The following DNAL4 variants were observed in gnomAD, a reference collection of about 807,000 sequenced individuals.
DNAL4 encodes the protein dynein axonemal light chain 4.
Under a neutral mutation model 12.6 loss-of-function variants are expected in DNAL4, and 10 were observed. That is an observed-to-expected ratio of 0.79 (90% CI 0.49 to 1.34). DNAL4 has a LOEUF of 1.34. Among genes scored for constraint, DNAL4 ranks in the 40% most tolerant of loss-of-function variants. The pLI is 0.00. For synonymous variants in DNAL4, 46 were observed against 53.1 expected, an observed-to-expected ratio of 0.87 and a Z score of 0.58; for missense variants, 128 against 138.1, an observed-to-expected ratio of 0.93 and a Z score of 0.37.
intron 1 of DNAL4, among the ~76,000 whole-genome samples, chr22:38,790,416 G>T (rs1216365731): frequency 7.2e-5 from 11 of 152,212 alleles, no homozygotes. Context: ...GAATGAGCAT[G>T]GTGGAGTGAG....
rs377441172 is a variant in DNAL4 at position 38,782,618 on chromosome 22, G to A, written c.69+45C>T. ...AGCTCCACCCACCTCTCTCCAGGCT[G>A]TGTGGGCCCTGCCGGCAGTCCTGCC... On this transcript the variant is annotated intron_variant, in intron 2 of 3. Coordinates refer to ENST00000216068, the MANE Select transcript of DNAL4 (RefSeq NM_005740.3). The surrounding 1 kb of genome is among the most constrained non-coding windows in gnomAD (Gnocchi z 5.1). 9.4e-6 allele frequency: 15 copies of A among 1,601,414 alleles called. No individual in the cohort carries two copies. Among genetic ancestry groups the A allele is most frequent in the African/African-American group, 2.7e-5 (2 of 74,564 alleles).
rs753342186 is a variant in DNAL4 at position 38,779,425 on chromosome 22, G to A, written c.*24C>T. 16 of 1,553,680 alleles carry A rather than the reference G, an allele frequency of 1.0e-5. No homozygotes were observed. Among genetic ancestry groups the A allele is most frequent in the Middle Eastern group, 2.2e-4 (1 of 4,644 alleles). On this transcript the variant is annotated 3_prime_UTR_variant, in exon 4 of 4. Transcript: ENST00000216068. This position sits in a 1 kb window ranked among gnomAD's most constrained non-coding sequence, Gnocchi z 4.3. ...ATGAGTGGCAGGAAAAGGCCCTGCA[G>A]GGGACGGGGCAGGGGACAGAGTGTC...
chr22:38,781,152 G>C (rs2093033721), intron 2 of DNAL4, 143 bp from the exon 3 acceptor site: 1 of 814,404 alleles, frequency 1.2e-6, no homozygotes, highest in Non-Finnish European at 2.0e-6. Context: ...CCCATCTCCT[G>C]ACTGAGGGCC....
intron 1 of DNAL4, among the ~76,000 whole-genome samples, chr22:38,788,219 A>G (rs2093045336): frequency 3.9e-5 from 6 of 152,188 alleles, no homozygotes; most frequent in Admixed American, 3.9e-4. Flanking sequence ...TAAGGTCAGG[A>G]AATGATGCAG....
At chr22:38,791,198 T>A (rs1003043181) in intron 1 of DNAL4, among the ~76,000 whole-genome samples, 1 of 150,464 alleles carries the variant, frequency 6.6e-6, no homozygotes, top group East Asian at 1.9e-4. Flanking sequence ...AGTAAAAATA[T>A]GCTATAAAAG....
At chr22:38,786,568 CAAAACAAAACAAAACA>C (rs1217068640) in intron 1 of DNAL4, among the ~76,000 whole-genome samples, 3 of 151,368 alleles carry the variant, frequency 2.0e-5, no homozygotes, top group Non-Finnish European at 4.4e-5. Flanking sequence ...CAAAACAAAA[CAAAACAAAACAAAACA>C]AAAACAAAAC....
chr22:38,793,453 T>C (rs1239612882), intron 1 of DNAL4, among the ~76,000 whole-genome samples: 2 of 152,170 alleles, frequency 1.3e-5, no homozygotes, highest in Non-Finnish European at 2.9e-5. Context: ...GTCTTGAGAC[T>C]GGGAATCCAA....
At chr22:38,791,235 C>T (rs2093050121) in intron 1 of DNAL4, among the ~76,000 whole-genome samples, 1 of 151,786 alleles carries the variant, frequency 6.6e-6, no homozygotes, top group Non-Finnish European at 1.5e-5. Context: ...CTATATAGGT[C>T]ACTTCCCATG....
chr22:38,789,426 C>T (rs2093047233), intron 1 of DNAL4, among the ~76,000 whole-genome samples: 3 of 152,168 alleles, frequency 2.0e-5, no homozygotes, highest in Admixed American at 2.0e-4. Context: ...CAGGCTTGTG[C>T]CACCATACTC....
intron 1 of DNAL4, among the ~76,000 whole-genome samples, chr22:38,793,866 G>C (rs1006880003): frequency 6.6e-6 from 1 of 151,454 alleles, no homozygotes; most frequent in Non-Finnish European, 1.5e-5. Flanking sequence ...TGGCAAACCT[G>C]TCACGACAGA....
chr22:38,794,074 C>T lies in DNAL4; in HGVS notation c.-146G>A, dbSNP rs2093055009. 2.0e-5 allele frequency: 3 copies of T among 152,244 alleles called. No homozygotes were observed. The highest frequency in any genetic ancestry group is 6.5e-5 in the Admixed American group (1 of 15,284). 9.4% of individuals were successfully genotyped at this position (152,244 alleles called of 1,614,324 possible). The stretch of plus-strand genomic sequence containing the variant: ...CCGCGCCCCGGGGCCTCACCTGCTC[C>T]TGCGGGGGCCGGAGCCGGGGCCGCA... On this transcript the variant is annotated 5_prime_UTR_variant, in exon 1 of 4. Coordinates refer to ENST00000216068, the MANE Select transcript of DNAL4 (RefSeq NM_005740.3).
chr22:38,786,557 T>TCAAAA (rs542051422), intron 1 of DNAL4, among the ~76,000 whole-genome samples: 67 of 152,100 alleles, frequency 4.4e-4, no homozygotes, highest in East Asian at 1.4e-3. Context: ...AGACTCAGTC[T>TCAAAA]CAAAACAAAA....
At chr22:38,787,565 T>C (rs373436466) in intron 1 of DNAL4, among the ~76,000 whole-genome samples, 3 of 152,242 alleles carry the variant, frequency 2.0e-5, no homozygotes, top group East Asian at 1.9e-4. Context: ...CATCTGGAAA[T>C]TGGGGCTAAG....
rs929162337 is a variant in DNAL4 at position 38,779,845 on chromosome 22, G to C, written c.154-232C>G. Among the ~76,000 whole-genome samples the C allele has an allele frequency of 6.6e-6, 1 of 152,180 alleles. No homozygotes were observed. Among genetic ancestry groups the C allele is most frequent in the Non-Finnish European group, 1.5e-5 (1 of 68,038 alleles). ...TTACTCAGCAGTCAAGAAGAAACTG[G>C]CTGAGGCGGGAAGGCAAGCATCAGG... On this transcript the variant is annotated intron_variant, in intron 3 of 3. Transcript: ENST00000216068. The surrounding 1 kb of genome is among the most constrained non-coding windows in gnomAD (Gnocchi z 4.3).
At chr22:38,790,498 AAGC>A (rs1421562254) in intron 1 of DNAL4, among the ~76,000 whole-genome samples, 17 of 152,146 alleles carry the variant, frequency 1.1e-4, no homozygotes, top group African/African-American at 4.1e-4. Context: ...CTGGGTAGAG[AAGC>A]AGGTCAGTTT....
At chr22:38,788,569 A>G (rs2093045806) in intron 1 of DNAL4, among the ~76,000 whole-genome samples, 1 of 152,224 alleles carries the variant, frequency 6.6e-6, no homozygotes, top group Non-Finnish European at 1.5e-5. Context: ...GATAAGTGAC[A>G]TTGACTCACA....
intron 3 of DNAL4, 138 bp downstream of exon 3, chr22:38,780,788 A>T: frequency 1.2e-6 from 1 of 830,160 alleles, no homozygotes; most frequent in Non-Finnish European, 1.9e-6. Context: ...GACTTTCCCC[A>T]GACTGAATGC....
In DNAL4 at chr22:38,788,400, C is replaced by T. The variant is rs75658270; in HGVS notation, c.-139-5530G>A. Among the ~76,000 whole-genome samples, 1,453 of 152,256 alleles carry T rather than the reference C, an allele frequency of 9.5e-3. 21 individuals are homozygous for T. Among genetic ancestry groups the T allele is most frequent in the African/African-American group, 0.033 (1,381 of 41,548 alleles). ...AGTCAAACACACGAAGTTGTTTTTA[C>T]GTGGTCCTTATTTTTTCTCATTTTG... On this transcript the variant is annotated intron_variant, in intron 1 of 3. Coordinates refer to ENST00000216068, the MANE Select transcript of DNAL4 (RefSeq NM_005740.3).
At chr22:38,784,818 G>C (rs1415866765) in intron 1 of DNAL4, among the ~76,000 whole-genome samples, 1 of 152,118 alleles carries the variant, frequency 6.6e-6, no homozygotes, top group Non-Finnish European at 1.5e-5. Flanking sequence ...CAGCCTGCTG[G>C]CTCTTTTTCT....
Sources: allele counts gnomAD v4.1 joint callset (sites outside exome capture counted in the v4.1 genomes callset), GRCh38; gene constraint gnomAD v4.1.1; non-coding constraint Gnocchi (gnomAD v3.1); transcripts MANE v1.5; gene names NCBI Gene and HGNC (gene_info 2026-07-23, HGNC 2026-07-21).